ACOT11: variants seen among roughly 807,000 people sequenced by gnomAD.
ACOT11 encodes acyl-CoA thioesterase 11.
Under a neutral mutation model 77.5 loss-of-function variants are expected in ACOT11, and 69 were observed. The ratio of observed to expected loss-of-function variants is 0.89; its 90% confidence interval spans 0.73 to 1.09. The LOEUF (loss-of-function observed/expected upper bound fraction) is 1.09. Among genes scored for constraint, ACOT11 ranks in the 50% least tolerant of loss-of-function variants. ACOT11 has a pLI of 0.00. For synonymous variants in ACOT11, 279 were observed against 313.0 expected, an observed-to-expected ratio of 0.89 and a Z score of 1.15; for missense variants, 766 against 813.7, an observed-to-expected ratio of 0.94 and a Z score of 0.71.
intron 7 of ACOT11, chr1:54,598,848 A>G (rs994296771): frequency 1.0e-4 from 15 of 149,086 alleles, no homozygotes; most frequent in African/African-American, 3.7e-4. Context: ...CTCAAAAAAA[A>G]AAAAAAAAAA....
intron 1 of ACOT11, among the ~76,000 whole-genome samples, chr1:54,557,757 T>TAAAAA (rs1653316875): frequency 6.6e-6 from 1 of 152,220 alleles, no homozygotes; most frequent in African/African-American, 2.4e-5. Flanking sequence ...AATTTATTAT[T>TAAAAA]CCTACCAGTT....
At chr1:54,615,615 T>C (rs1452159077) in intron 15 of ACOT11, among the ~76,000 whole-genome samples, 1 of 148,288 alleles carries the variant, frequency 6.7e-6, no homozygotes, top group African/African-American at 2.5e-5. Flanking sequence ...TGAGTTGCCG[T>C]GAGGATGAGG....
chr1:54,610,050 C>A lies in ACOT11; in HGVS notation c.*938C>A. On this transcript the variant is annotated 3_prime_UTR_variant, in exon 16 of 16. Coordinates refer to ENST00000343744, the MANE Select transcript of ACOT11 (RefSeq NM_147161.4). ...AGTTATGGGGTCATCAAGGACCTTG[C>A]CTCTCTGGAATCTGTCAACCCAGTT... 13 of 1,447,386 alleles carry A rather than the reference C, an allele frequency of 9.0e-6. No homozygotes were observed. Among genetic ancestry groups the A allele is most frequent in the Non-Finnish European group, 1.2e-5 (13 of 1,105,136 alleles). The allele number at this position is 1,447,386 out of a possible 1,614,324, so 89.7% of individuals were successfully genotyped here. A position where few individuals can be genotyped will look rare whatever the true frequency, so the allele number is the denominator to read the frequency against.
In ACOT11 at chr1:54,601,296, C is replaced by T; in HGVS notation, c.912C>T (p.Ala304=). 6.2e-7 allele frequency: 1 copy of T among 1,612,680 alleles called. No homozygotes were observed. The highest frequency in any genetic ancestry group is 8.5e-7 in the Non-Finnish European group (1 of 1,179,992). ...HSMEVGVCVE[A]YRQEAETHRR... ...TGGAGGTGGGCGTGTGCGTGGAGGC[C>T]TATCGCCAGGAGGCTGAGACCCACC... The change falls in exon 9 of 16, where the codon GCC becomes GCT. Residue 304 remains alanine, a synonymous_variant. Transcript: ENST00000343744.
At chr1:54,594,314 AC>A (rs890994096) in intron 5 of ACOT11, among the ~76,000 whole-genome samples, 1 of 151,938 alleles carries the variant, frequency 6.6e-6, no homozygotes. Context: ...CTACAGTGAC[AC>A]CCCCCATCCT....
In ACOT11 at chr1:54,608,868, A is replaced by G. The variant is rs1360558443; in HGVS notation, c.1630-89A>G. On this transcript the variant is annotated intron_variant, in intron 15 of 15. Coordinates refer to ENST00000343744, the MANE Select transcript of ACOT11 (RefSeq NM_147161.4). ...CCCAGAAGGCCAGCAAGGCTGACTC[A>G]CCACCAGCCTCGTGCCCACTGGGCT... 5.3e-6 allele frequency: 7 copies of G among 1,320,946 alleles called. No individual in the cohort carries two copies. In the East Asian group the frequency reaches 1.6e-4, roughly 31 times the overall value. 81.8% of individuals were successfully genotyped at this position (1,320,946 alleles called of 1,614,324 possible). A position where few individuals can be genotyped will look rare whatever the true frequency, so the allele number is the denominator to read the frequency against.
At chr1:54,624,909 G>A (rs867218185) in intron 15 of ACOT11, among the ~76,000 whole-genome samples, 11 of 151,968 alleles carry the variant, frequency 7.2e-5, no homozygotes, top group South Asian at 2.1e-4. Context: ...TGTGGGGAAC[G>A]GTGGGCATTG....
At chr1:54,564,263 TAAAAA>T (rs1337427403) in intron 1 of ACOT11, among the ~76,000 whole-genome samples, 2 of 151,364 alleles carry the variant, frequency 1.3e-5, no homozygotes, top group African/African-American at 4.9e-5. Context: ...AAAAATAAAA[TAAAAA>T]AAGAAAAAAA....
At chr1:54,634,175 A>G (rs1414328267) in intron 16 of ACOT11, among the ~76,000 whole-genome samples, 2 of 152,204 alleles carry the variant, frequency 1.3e-5, no homozygotes, top group Admixed American at 1.3e-4. Context: ...TACTTGGCAA[A>G]CCCATTTAGC....
chr1:54,577,540 T>A (rs970282131), intron 1 of ACOT11, among the ~76,000 whole-genome samples: 1 of 43,562 alleles, frequency 2.3e-5, no homozygotes, highest in African/African-American at 1.2e-4. Context: ...TCTATATACA[T>A]ACATATATAT....
At chr1:54,611,360 G>A (rs112840610), downstream of ACOT11, among the ~76,000 whole-genome samples, 8,614 of 152,056 alleles carry the variant, frequency 0.057, 365 homozygotes, top group East Asian at 0.17. Context: ...AGATTGCGCC[G>A]CTGCACTCCA....
intron 1 of ACOT11, among the ~76,000 whole-genome samples, chr1:54,562,994 C>T (rs1489692052): frequency 1.4e-5 from 2 of 147,402 alleles, no homozygotes; most frequent in Admixed American, 1.3e-4. Flanking sequence ...TCCTCACTTC[C>T]CAGACGGGGT....
intron 1 of ACOT11, among the ~76,000 whole-genome samples, chr1:54,581,471 G>A (rs950826701): frequency 6.6e-6 from 1 of 152,128 alleles, no homozygotes. Flanking sequence ...GGCTGTGAAC[G>A]GATTGGGTGA....
intron 1 of ACOT11, among the ~76,000 whole-genome samples, chr1:54,583,584 C>T (rs1010776801): frequency 6.6e-6 from 1 of 151,654 alleles, no homozygotes; most frequent in African/African-American, 2.4e-5. Context: ...GGAGCTCAGG[C>T]TGCAGCAGAC....
chr1:54,597,696 T>G (rs760808707), intron 7 of ACOT11: 11 of 461,512 alleles, frequency 2.4e-5, no homozygotes, highest in African/African-American at 5.9e-5. Context: ...CTATGTTCCC[T>G]TCACATCAAG....
chr1:54,556,663 C>A (rs1422589561), intron 1 of ACOT11, among the ~76,000 whole-genome samples: 1 of 151,810 alleles, frequency 6.6e-6, no homozygotes, highest in Non-Finnish European at 1.5e-5. Context: ...CTCACTGCAA[C>A]CTCTGCCTCC....
intron 1 of ACOT11, among the ~76,000 whole-genome samples, chr1:54,561,079 TTTA>T (rs200433717): frequency 0.53 from 66,624 of 124,948 alleles, 15,363 homozygotes; most frequent in Non-Finnish European, 0.57. Context: ...TGGCTGATTT[TTTA>T]TTTTTTTTAT....
intron 13 of ACOT11, among the ~76,000 whole-genome samples, chr1:54,606,706 C>A (rs1461992917): frequency 6.6e-6 from 1 of 152,228 alleles, no homozygotes; most frequent in Non-Finnish European, 1.5e-5. Flanking sequence ...CAGCACCTGG[C>A]ACTCAGTGGG....
intron 16 of ACOT11, among the ~76,000 whole-genome samples, chr1:54,632,264 C>T (rs1644303846): frequency 2.0e-5 from 3 of 152,216 alleles, no homozygotes; most frequent in Admixed American, 1.3e-4. Context: ...CTGGCTCAGG[C>T]CATTCCCTCA....
Sources: gnomAD v4.1 joint callset for allele counts (sites outside exome capture counted in the v4.1 genomes callset) on GRCh38, gnomAD v4.1.1 for gene constraint, MANE v1.5 for transcripts, NCBI Gene and HGNC (gene_info 2026-07-23, HGNC 2026-07-21) for gene names.